Variants in DNM3 observed in about 807,000 individuals in gnomAD.
DNM3 encodes dynamin-3.
DNM3 carries 47 observed loss-of-function variants against 101.6 expected under a neutral mutation model. The ratio of observed to expected loss-of-function variants is 0.46; its 90% CI spans 0.37 to 0.59. The LOEUF (loss-of-function observed/expected upper bound fraction) is 0.59, where lower values mean the gene tolerates loss of function less well. Ranked by LOEUF, DNM3 falls within the 20% of genes least tolerant of loss-of-function variation. The pLI is 0.00. For missense variants in DNM3, 849 were observed against 1,085.7 expected (o/e 0.78, Z 3.06); for synonymous variants, 385 against 387.9 (o/e 0.99, Z 0.09).
chr1:172,000,315 T>C (rs2046282831), intron 4 of DNM3, among the ~76,000 whole-genome samples: 1 of 151,950 alleles, frequency 6.6e-6, no homozygotes. Context: ...AGGAGGGTGA[T>C]GTGGCAGGTC....
rs760425091 is a variant in DNM3 at position 171,989,027 on chromosome 1, C to A, written c.468C>A (p.Ile156=). The part of the protein sequence containing the change: ...GDQPPDIEYQ[I]REMIMQFITR... ...AGCCACCAGATATCGAGTATCAGAT[C>A]AGAGAAATGATTATGCAGTTCATCA... Residue 156 remains isoleucine (I), a synonymous_variant, in exon 4 of 21, where the codon ATC becomes ATA. Transcript: ENST00000627582. 17 of 1,610,864 alleles carry A rather than the reference C, an allele frequency of 1.1e-5. No individual in the cohort carries two copies. Among genetic ancestry groups the A allele is most frequent in the Non-Finnish European group, 1.4e-5 (16 of 1,178,508 alleles).
chr1:172,246,808 A>G (rs2148666242), intron 14 of DNM3, among the ~76,000 whole-genome samples: 1 of 152,202 alleles, frequency 6.6e-6, no homozygotes, highest in East Asian at 1.9e-4. Context: ...AAGGGCTTGG[A>G]TTAATATATG....
At chr1:171,864,662 C>T (rs368726042) in intron 1 of DNM3, 1 of 152,198 alleles carries the variant, frequency 6.6e-6, no homozygotes, top group Non-Finnish European at 1.5e-5. Flanking sequence ...ACAGACACCT[C>T]TGTTTGGAAG....
At chr1:171,997,839 G>C (rs1472900956) in intron 4 of DNM3, among the ~76,000 whole-genome samples, 1 of 152,070 alleles carries the variant, frequency 6.6e-6, no homozygotes, top group East Asian at 1.9e-4. Context: ...GGTTTACATG[G>C]CATCTTGTGT....
chr1:171,972,448 T>C (rs771394544), intron 2 of DNM3, among the ~76,000 whole-genome samples: 6 of 152,238 alleles, frequency 3.9e-5, no homozygotes, highest in Admixed American at 6.5e-5. Flanking sequence ...GGAAATGATA[T>C]TTGAAGAGGG....
At chr1:172,200,088 T>C (rs534013524) in intron 14 of DNM3, among the ~76,000 whole-genome samples, 32 of 152,178 alleles carry the variant, frequency 2.1e-4, no homozygotes, top group Non-Finnish European at 4.1e-4. Flanking sequence ...AGATCTCTTT[T>C]AAGGCAGATC....
At chr1:172,208,491 G>C (rs989606603) in intron 14 of DNM3, among the ~76,000 whole-genome samples, 3 of 152,072 alleles carry the variant, frequency 2.0e-5, no homozygotes, top group East Asian at 1.9e-4. Flanking sequence ...TGAAGGCTAA[G>C]TCTGAGATCT....
chr1:172,022,629 C>A (rs2047925910), intron 4 of DNM3, among the ~76,000 whole-genome samples: 1 of 151,836 alleles, frequency 6.6e-6, no homozygotes, highest in African/African-American at 2.4e-5. Context: ...ACAATCAGTC[C>A]CTTGCCCACC....
chr1:171,854,563 T>C (rs1211213518), intron 1 of DNM3, among the ~76,000 whole-genome samples: 1 of 152,060 alleles, frequency 6.6e-6, no homozygotes, highest in Non-Finnish European at 1.5e-5. Flanking sequence ...GGATCTCAGC[T>C]CAATCTATCA....
intron 2 of DNM3, among the ~76,000 whole-genome samples, chr1:171,927,247 T>C (rs2040645449): frequency 6.6e-6 from 1 of 152,184 alleles, no homozygotes; most frequent in South Asian, 2.1e-4. Context: ...TTTTTTAAAC[T>C]TTTATTTTAG....
At chr1:172,383,189 T>C (rs1026377574) in intron 18 of DNM3, among the ~76,000 whole-genome samples, 1 of 152,116 alleles carries the variant, frequency 6.6e-6, no homozygotes, top group Non-Finnish European at 1.5e-5. Context: ...CTCCCATCAT[T>C]GCTCCCCGCC....
chr1:172,161,297 A>G (rs781107281), intron 14 of DNM3, among the ~76,000 whole-genome samples: 1 of 151,796 alleles, frequency 6.6e-6, no homozygotes, highest in Non-Finnish European at 1.5e-5. Flanking sequence ...CAGGAGGAAC[A>G]AACGAATGGC....
At chr1:172,283,759 C>CAAAAAAAAAAAAAAAAAAAA (rs769812358) in intron 15 of DNM3, among the ~76,000 whole-genome samples, 1 of 40,284 alleles carries the variant, frequency 2.5e-5, no homozygotes, top group Non-Finnish European at 6.0e-5. Context: ...GACTCCATCT[C>CAAAAAAAAAAAAAAAAAAAA]AAAAAAAAAA....
At chr1:171,901,002 G>A (rs1317534306) in intron 1 of DNM3, among the ~76,000 whole-genome samples, 1 of 150,740 alleles carries the variant, frequency 6.6e-6, no homozygotes, top group African/African-American at 2.4e-5. Context: ...AGTCCCAGCT[G>A]CTCGGGAGGC....
At chr1:172,069,953 A>G (rs1347806788) in intron 11 of DNM3, among the ~76,000 whole-genome samples, 1 of 152,186 alleles carries the variant, frequency 6.6e-6, no homozygotes, top group East Asian at 1.9e-4. Flanking sequence ...CACACACAGC[A>G]CACAGAGTGT....
chr1:172,212,753 A>C (rs1472583789), intron 14 of DNM3, among the ~76,000 whole-genome samples: 1 of 152,148 alleles, frequency 6.6e-6, no homozygotes, highest in Non-Finnish European at 1.5e-5. Flanking sequence ...AGATCAGATA[A>C]TTCTAATCCA....
intron 1 of DNM3, among the ~76,000 whole-genome samples, chr1:171,914,316 C>A (rs1237143952): frequency 2.0e-5 from 3 of 152,036 alleles, no homozygotes; most frequent in African/African-American, 7.2e-5. Context: ...CACCACCACG[C>A]CTGGCTAATT....
At chr1:171,953,415 C>G (rs2042654038) in intron 2 of DNM3, among the ~76,000 whole-genome samples, 1 of 149,840 alleles carries the variant, frequency 6.7e-6, no homozygotes, top group East Asian at 1.9e-4. Context: ...GCCCCATGCG[C>G]AATTCTTTTT....
At chr1:172,371,890 T>TTTTA (rs951752069) in intron 17 of DNM3, among the ~76,000 whole-genome samples, 3,638 of 147,772 alleles carry the variant, frequency 0.025, 133 homozygotes, top group African/African-American at 0.078. Flanking sequence ...TTTTTTACTT[T>TTTTA]TTTATTTATT....
Sources: gnomAD v4.1 joint callset for allele counts (sites outside exome capture counted in the v4.1 genomes callset) on GRCh38, gnomAD v4.1.1 for gene constraint, MANE v1.5 for transcripts, NCBI Gene and HGNC (gene_info 2026-07-23, HGNC 2026-07-21) for gene names.